The following EPB41L5 variants were observed in gnomAD, a reference collection of about 807,000 sequenced individuals.
EPB41L5 encodes band 4.1-like protein 5.
Under a neutral mutation model 106.6 loss-of-function variants are expected in EPB41L5, and 55 were observed. That is an observed-to-expected ratio of 0.52 (90% CI 0.42 to 0.65). The LOEUF (loss-of-function observed/expected upper bound fraction) is 0.65, where lower values mean the gene tolerates loss of function less well. Among genes scored for constraint, EPB41L5 ranks in the 30% least tolerant of loss-of-function variants. The pLI is 0.00. For synonymous variants in EPB41L5, 297 were observed against 306.7 expected (o/e 0.97, Z 0.33); for missense variants, 871 against 882.1 (o/e 0.99, Z 0.16).
At position 120,087,164 on chromosome 2, in the gene EPB41L5, A is replaced by G. The variant is rs1419742853; in HGVS notation, c.804-7A>G. 6 of 1,544,054 alleles carry G rather than the reference A, an allele frequency of 3.9e-6. No homozygotes were observed. The highest frequency in any genetic ancestry group is 1.4e-5 in the African/African-American group (1 of 73,054). On this transcript the variant is annotated splice_polypyrimidine_tract_variant and splice_region_variant and intron_variant, in intron 10 of 24. Transcript: ENST00000263713. The stretch of plus-strand genomic sequence containing the variant: ...AATTTGGCTTTTATTCTCTTATTAT[A>G]TTATAGGCCGAAGATAACCAGATTG...
chr2:120,056,876 T>C (rs895088141), intron 3 of EPB41L5, among the ~76,000 whole-genome samples: 2 of 152,124 alleles, frequency 1.3e-5, no homozygotes, highest in African/African-American at 2.4e-5. Flanking sequence ...TTCCTTTACT[T>C]GTTACAGGTG....
chr2:120,034,690 CA>C (rs986791153), intron 2 of EPB41L5, among the ~76,000 whole-genome samples: 18 of 146,526 alleles, frequency 1.2e-4, no homozygotes, highest in East Asian at 6.0e-4. Flanking sequence ...CAAAACAAAA[CA>C]AAAAAAAAAC....
chr2:120,034,142 G>A (rs971729590), intron 2 of EPB41L5, among the ~76,000 whole-genome samples: 5 of 152,162 alleles, frequency 3.3e-5, no homozygotes, highest in Admixed American at 2.6e-4. Flanking sequence ...TAAATGTCTT[G>A]TGTTCACTAT....
At chr2:120,160,995 T>C in intron 21 of EPB41L5, 21 bp downstream of exon 21, 1 of 1,598,394 alleles carries the variant, frequency 6.3e-7, no homozygotes, top group Non-Finnish European at 8.6e-7. Flanking sequence ...TTTTACTTCT[T>C]AAAATTTTTG....
chr2:120,095,361 C>G (rs530883087), intron 14 of EPB41L5, among the ~76,000 whole-genome samples: 1 of 152,192 alleles, frequency 6.6e-6, no homozygotes, highest in East Asian at 1.9e-4. Context: ...TTCATCAAGT[C>G]TGGAAGTTTT....
Position 120,176,794 on chromosome 2 carries a change from G to GTGA in EPB41L5, c.*1887_*1888insTGA, listed in dbSNP as rs1687933182. The stretch of plus-strand genomic sequence containing the variant: ...TGCTGCTCACCACAGAGCAGCTGAG[G>GTGA]CATTATGCCTTGGAAGACCTAAATC... On this transcript the variant is annotated 3_prime_UTR_variant, in exon 25 of 25. Coordinates refer to ENST00000263713, the MANE Select transcript of EPB41L5 (RefSeq NM_020909.4). The GTGA allele has an allele frequency of 2.6e-5, 4 of 152,152 alleles. No individual in the cohort carries two copies. Among genetic ancestry groups the GTGA allele is most frequent in the Non-Finnish European group, 5.9e-5 (4 of 68,022 alleles). The allele number at this position is 152,152 out of a possible 1,614,324, so 9.4% of individuals were successfully genotyped here.
intron 24 of EPB41L5, 42 bp from the exon 25 acceptor site, chr2:120,174,799 C>A (rs1474191676): frequency 1.3e-6 from 2 of 1,581,172 alleles, no homozygotes; most frequent in Non-Finnish European, 8.7e-7. Flanking sequence ...CTCCTCCAAA[C>A]CCCAGGGGTT....
At position 120,146,215 on chromosome 2, in the gene EPB41L5, A is replaced by T; in HGVS notation, c.1729-10A>T. The T allele has an allele frequency of 6.4e-7, 1 of 1,550,494 alleles. No individual in the cohort carries two copies. Among genetic ancestry groups the T allele is most frequent in the Middle Eastern group, 1.7e-4 (1 of 5,938 alleles). ...AAAGATTTACTTTTTTTAATATTTC[A>T]TTTTCTTAGGTTACAAAAGAAGATA... On this transcript the variant is annotated splice_polypyrimidine_tract_variant and intron_variant, in intron 19 of 24. Coordinates refer to ENST00000263713, the MANE Select transcript of EPB41L5 (RefSeq NM_020909.4).
At chr2:120,126,968 C>G (rs1028609538) in intron 16 of EPB41L5, among the ~76,000 whole-genome samples, 1 of 152,050 alleles carries the variant, frequency 6.6e-6, no homozygotes. Context: ...TCATACATAG[C>G]CTTTATTAAA....
At position 120,073,219 on chromosome 2, in the gene EPB41L5, A is replaced by G; in HGVS notation, c.327A>G (p.Lys109=). ...CAAAAAGCATCAAAAAGCAAGTAAAAAGTAAGTGCAGACAAAATTATTTGT... is the reference window on the plus strand; with the variant it reads ...CAAAAAGCATCAAAAAGCAAGTAAAGAGTAAGTGCAGACAAAATTATTTGT... ...DGTKSIKKQV[K]IGSPYCLHLR... is the part of the protein sequence containing the mutation. The change falls in exon 4 of 25, where the codon AAA becomes AAG. Residue 109 remains lysine, a splice_region_variant and synonymous_variant. Coordinates refer to ENST00000263713, the MANE Select transcript of EPB41L5 (RefSeq NM_020909.4). 1 of 1,609,422 alleles carries G rather than the reference A, an allele frequency of 6.2e-7. No homozygotes were observed. Among genetic ancestry groups the G allele is most frequent in the Non-Finnish European group, 8.5e-7 (1 of 1,178,748 alleles).
At chr2:120,104,513 C>G in intron 16 of EPB41L5, 1 of 1,089,856 alleles carries the variant, frequency 9.2e-7, no homozygotes, top group Non-Finnish European at 1.1e-6. Context: ...TTAGTATGTT[C>G]ACACATCACC....
chr2:120,159,190 C>T lies in EPB41L5; in HGVS notation c.1794-1691C>T, dbSNP rs186421852. On this transcript the variant is annotated intron_variant, in intron 20 of 24. Transcript: ENST00000263713. ...CTGTAATCCCAGCACTTTGGGAGGC[C>T]GAGGCGGGTGGATCACGAGGTCAGG... is the stretch of plus-strand genomic sequence containing the variant. 4.6e-5 allele frequency among the ~76,000 whole-genome samples: 7 copies of T among 150,650 alleles called. No homozygotes were observed. The East Asian group carries it at 5.9e-4, about 13-fold the overall frequency.
intron 21 of EPB41L5, 73 bp downstream of exon 21, chr2:120,161,047 G>GCATCT (rs1475978902): frequency 9.5e-7 from 1 of 1,056,362 alleles, no homozygotes; most frequent in African/African-American, 1.6e-5. Context: ...ATAACCAAGG[G>GCATCT]CATCTAGTGA....
chr2:120,049,662 C>A (rs1221762111), intron 3 of EPB41L5, among the ~76,000 whole-genome samples: 1 of 152,134 alleles, frequency 6.6e-6, no homozygotes, highest in Non-Finnish European at 1.5e-5. Context: ...AGCCCATTTA[C>A]GTTTAAGGTT....
At chr2:120,082,788 T>C (rs544479241) in intron 10 of EPB41L5, among the ~76,000 whole-genome samples, 1 of 152,302 alleles carries the variant, frequency 6.6e-6, no homozygotes, top group African/African-American at 2.4e-5. Context: ...TTAGAGCCTG[T>C]TATTGGTCTA....
At chr2:120,153,476 G>A (rs1686766537) in intron 20 of EPB41L5, among the ~76,000 whole-genome samples, 1 of 152,092 alleles carries the variant, frequency 6.6e-6, no homozygotes, top group South Asian at 2.1e-4. Context: ...ATTAGGTGGA[G>A]TGTTCTATAT....
At chr2:120,072,687 A>G (rs1681954509) in intron 3 of EPB41L5, among the ~76,000 whole-genome samples, 1 of 152,168 alleles carries the variant, frequency 6.6e-6, no homozygotes, top group Non-Finnish European at 1.5e-5. Flanking sequence ...GGAACAGAAA[A>G]CCAAACACTG....
chr2:120,111,403 G>A (rs966308791), intron 16 of EPB41L5, among the ~76,000 whole-genome samples: 14 of 152,118 alleles, frequency 9.2e-5, no homozygotes, highest in Admixed American at 3.9e-4. Context: ...GTTGCTAAGC[G>A]TGTCTTGGGC....
At chr2:120,046,742 T>G (rs1679806292) in intron 3 of EPB41L5, among the ~76,000 whole-genome samples, 1 of 152,224 alleles carries the variant, frequency 6.6e-6, no homozygotes, top group African/African-American at 2.4e-5. Flanking sequence ...CCCATGCCTA[T>G]ATCCTGAATG....
Sources: gnomAD v4.1 joint callset for allele counts (sites outside exome capture counted in the v4.1 genomes callset) on GRCh38, gnomAD v4.1.1 for gene constraint, MANE v1.5 for transcripts, NCBI Gene and HGNC (gene_info 2026-07-23, HGNC 2026-07-21) for gene names.